Variants in MYT1L observed in about 807,000 individuals in gnomAD.
MYT1L encodes the protein myelin transcription factor 1 like, also known as myelin transcription factor 1-like protein.
A neutral mutation model predicts 126.7 loss-of-function variants in MYT1L; 12 were observed. The ratio of observed to expected loss-of-function variants is 0.09; its 90% CI spans 0.06 to 0.15. The LOEUF (loss-of-function observed/expected upper bound fraction) is 0.15, where lower values mean the gene tolerates loss of function less well. MYT1L is among the 10% of genes least tolerant of loss of function. The pLI is 1.00. For missense variants in MYT1L, 979 were observed against 1,585.2 expected (o/e 0.62, Z 6.49); for synonymous variants, 541 against 604.2 (o/e 0.90, Z 1.53).
At chr2:2,014,482 A>G (rs1361294875) in intron 4 of MYT1L, among the ~76,000 whole-genome samples, 2 of 152,034 alleles carry the variant, frequency 1.3e-5, no homozygotes, top group African/African-American at 4.8e-5. Flanking sequence ...GAGTCAAAGG[A>G]GTGGGTGGAA....
At chr2:2,101,301 T>C (rs754479309) in intron 3 of MYT1L, among the ~76,000 whole-genome samples, 1 of 152,210 alleles carries the variant, frequency 6.6e-6, no homozygotes, top group African/African-American at 2.4e-5. Context: ...TTCAGCATCA[T>C]GGACCCAGTC....
intron 4 of MYT1L, among the ~76,000 whole-genome samples, chr2:2,010,712 C>T (rs762557199): frequency 1.2e-4 from 18 of 152,178 alleles, no homozygotes; most frequent in Non-Finnish European, 2.6e-4. Context: ...GCCACACCCA[C>T]AGCTAACATC....
chr2:2,275,245 TGCATGCCTGTTATA>T (rs1326374563), intron 2 of MYT1L, among the ~76,000 whole-genome samples: 1 of 148,020 alleles, frequency 6.8e-6, no homozygotes, highest in Non-Finnish European at 1.5e-5. Flanking sequence ...TGTGTGTGTG[TGCATGCCTGTTATA>T]GCAGTCATGT....
intron 3 of MYT1L, among the ~76,000 whole-genome samples, chr2:2,163,522 G>A (rs1478025548): frequency 2.6e-5 from 4 of 151,528 alleles, no homozygotes; most frequent in South Asian, 2.1e-4. Context: ...TCAGGAGATC[G>A]AGACCATCCT....
At chr2:2,260,345 A>G (rs1041185956) in intron 2 of MYT1L, among the ~76,000 whole-genome samples, 1 of 152,238 alleles carries the variant, frequency 6.6e-6, no homozygotes, top group African/African-American at 2.4e-5. Context: ...TTGTAAAGGC[A>G]TATACAGACT....
At chr2:1,982,912 A>T (rs2060715288) in intron 5 of MYT1L, among the ~76,000 whole-genome samples, 1 of 152,250 alleles carries the variant, frequency 6.6e-6, no homozygotes, top group Admixed American at 6.5e-5. Context: ...CTTTGTGGGC[A>T]TTAAATAGAA....
At chr2:1,980,326 A>G (rs1574190476) in intron 5 of MYT1L, among the ~76,000 whole-genome samples, 1 of 148,432 alleles carries the variant, frequency 6.7e-6, no homozygotes, top group East Asian at 2.0e-4. Context: ...CTATATATAC[A>G]CACACACATA....
intron 1 of MYT1L, among the ~76,000 whole-genome samples, chr2:2,298,235 G>A (rs1329860118): frequency 2.0e-5 from 3 of 152,182 alleles, no homozygotes; most frequent in Admixed American, 1.3e-4. Context: ...GCCCATATAC[G>A]TGGAAGATTC....
intron 19 of MYT1L, among the ~76,000 whole-genome samples, chr2:1,844,365 A>T (rs571374438): frequency 6.6e-6 from 1 of 152,262 alleles, no homozygotes; most frequent in African/African-American, 2.4e-5. Context: ...CCTACCCACC[A>T]ACTAAGCACT....
At chr2:2,052,347 G>C (rs1387117890) in intron 4 of MYT1L, among the ~76,000 whole-genome samples, 1 of 152,142 alleles carries the variant, frequency 6.6e-6, no homozygotes, top group Non-Finnish European at 1.5e-5. Context: ...GAAGAAAATA[G>C]GAAGGATCAG....
chr2:2,312,146 T>C (rs2095982840), intron 1 of MYT1L, among the ~76,000 whole-genome samples: 1 of 152,172 alleles, frequency 6.6e-6, no homozygotes. Flanking sequence ...TGTGTGATGC[T>C]CCTCATGCTC....
chr2:2,185,451 C>T (rs1415628902), intron 2 of MYT1L, among the ~76,000 whole-genome samples: 1 of 151,220 alleles, frequency 6.6e-6, no homozygotes, highest in Non-Finnish European at 1.5e-5. Context: ...GCAGCCGGGC[C>T]TCCTCGAGTC....
At chr2:2,028,473 T>C (rs941821541) in intron 4 of MYT1L, among the ~76,000 whole-genome samples, 2 of 152,162 alleles carry the variant, frequency 1.3e-5, no homozygotes, top group East Asian at 1.9e-4. Flanking sequence ...ATCTATGTAG[T>C]GGCAGAGTAG....
At chr2:2,009,284 A>G (rs928291129) in intron 4 of MYT1L, among the ~76,000 whole-genome samples, 14 of 151,904 alleles carry the variant, frequency 9.2e-5, no homozygotes, top group African/African-American at 2.9e-4. Context: ...TTAAATCTGT[A>G]TATTACTTTG....
At chr2:2,092,818 C>T (rs2077033412) in intron 3 of MYT1L, among the ~76,000 whole-genome samples, 2 of 152,140 alleles carry the variant, frequency 1.3e-5, no homozygotes, top group Admixed American at 6.5e-5. Flanking sequence ...AGCAAAATCA[C>T]CAAAAAGTGA....
rs1222127971 is a variant in MYT1L, at chr2:1,811,521, G to A, written c.3081-2354C>T. ...GTGGCCTGACAGGGTGGGCACGGTG[G>A]GCGCCCTGGCTTCTCCTGCTTGCCC... is the stretch of plus-strand genomic sequence containing the variant. On this transcript the variant is annotated intron_variant, in intron 21 of 24. Coordinates refer to ENST00000647738, the MANE Select transcript of MYT1L (RefSeq NM_001303052.2). This position sits in a 1 kb window ranked among gnomAD's most constrained non-coding sequence, Gnocchi z 4.4. 1.3e-5 allele frequency: 2 copies of A among 152,234 alleles called. No homozygotes were observed. The highest frequency in any genetic ancestry group is 2.9e-5 in the Non-Finnish European group (2 of 68,080). The allele number at this position is 152,234 out of a possible 1,614,324, so 9.4% of individuals were successfully genotyped here.
At position 1,790,307 on chromosome 2, in the gene MYT1L, T is replaced by C. The variant is rs1056301334; in HGVS notation, c.*1560A>G. 4 of 151,944 alleles carry C rather than the reference T, an allele frequency of 2.6e-5. No individual in the cohort carries two copies. The highest frequency in any genetic ancestry group is 5.9e-5 in the Non-Finnish European group (4 of 68,008). 9.4% of individuals were successfully genotyped at this position (151,944 alleles called of 1,614,324 possible). A position where few individuals can be genotyped will look rare whatever the true frequency, so the allele number is the denominator to read the frequency against. ...GTACTTCCTGCATAACATCAAGACA[T>C]GGAAGGAAGAGATGCTACTAAATGG... On this transcript the variant is annotated 3_prime_UTR_variant, in exon 25 of 25. Coordinates refer to ENST00000647738, the MANE Select transcript of MYT1L (RefSeq NM_001303052.2).
intron 8 of MYT1L, among the ~76,000 whole-genome samples, chr2:1,944,824 C>T (rs1337821183): frequency 1.3e-5 from 2 of 152,152 alleles, no homozygotes; most frequent in Non-Finnish European, 2.9e-5. Flanking sequence ...CATAGACACT[C>T]AATAGGCATT....
intron 2 of MYT1L, among the ~76,000 whole-genome samples, chr2:2,201,258 G>C (rs1444284725): frequency 2.6e-5 from 4 of 152,146 alleles, no homozygotes; most frequent in African/African-American, 7.2e-5. Flanking sequence ...TTCAGGACCT[G>C]GTGACCTGGC....
Sources: allele counts gnomAD v4.1 joint callset (sites outside exome capture counted in the v4.1 genomes callset), GRCh38; gene constraint gnomAD v4.1.1; non-coding constraint Gnocchi (gnomAD v3.1); transcripts MANE v1.5; gene names NCBI Gene and HGNC (gene_info 2026-07-23, HGNC 2026-07-21).